Variants in HMGCLL1 observed in about 807,000 individuals in gnomAD.
HMGCLL1 encodes 3-hydroxymethyl-3-methylglutaryl-CoA lyase, cytoplasmic.
In HMGCLL1, 36 loss-of-function variants were observed where a neutral mutation model predicts 39.1. The observed-to-expected ratio is 0.92, with a 90% CI of 0.71 to 1.22. HMGCLL1 has a LOEUF of 1.22. Ranked by LOEUF, HMGCLL1 falls within the 50% of genes most tolerant of loss-of-function variation. HMGCLL1 has a pLI of 0.00. For missense variants in HMGCLL1, 451 were observed against 416.5 expected, an observed-to-expected ratio of 1.08 and a Z score of -0.72; for synonymous variants, 149 against 144.0, an observed-to-expected ratio of 1.03 and a Z score of -0.25.
chr6:55,513,962 A>G, intron 5 of HMGCLL1, 86 bp downstream of exon 5: 1 of 1,139,222 alleles, frequency 8.8e-7, no homozygotes, highest in Non-Finnish European at 1.3e-6. Context: ...TATTTTTATA[A>G]ATGATATAAG....
chr6:55,543,335 C>CATATATG (rs1157505364), intron 1 of HMGCLL1, among the ~76,000 whole-genome samples: 1 of 6,258 alleles, frequency 1.6e-4, no homozygotes, highest in Non-Finnish European at 3.4e-4. Context: ...TATTATATAT[C>CATATATG]ATATATGATA....
intron 1 of HMGCLL1, among the ~76,000 whole-genome samples, chr6:55,572,230 G>T (rs1366262595): frequency 1.3e-5 from 2 of 152,012 alleles, no homozygotes; most frequent in Admixed American, 1.3e-4. Context: ...CAATGCAAAA[G>T]ATAAGATTGA....
intron 1 of HMGCLL1, among the ~76,000 whole-genome samples, chr6:55,571,012 C>T (rs537913988): frequency 1.0e-3 from 155 of 152,292 alleles, no homozygotes; most frequent in East Asian, 4.1e-3. Flanking sequence ...TTCACTACCA[C>T]AAGAACAGTA....
chr6:55,600,664 TA>T, the HMGCLL1 span, among the ~76,000 whole-genome samples: 3 of 152,010 alleles, frequency 2.0e-5, no homozygotes, highest in Non-Finnish European at 4.4e-5. Context: ...TTCTAAAGAA[TA>T]AAAAAATTAA....
chr6:55,664,285 G>A, the HMGCLL1 span, among the ~76,000 whole-genome samples: 1 of 151,720 alleles, frequency 6.6e-6, no homozygotes, highest in Non-Finnish European at 1.5e-5. Flanking sequence ...GTGTATTTAA[G>A]TATGTTTCTG....
intron 3 of HMGCLL1, among the ~76,000 whole-genome samples, chr6:55,524,469 A>AAAAC (rs1554150836): frequency 6.6e-6 from 1 of 150,538 alleles, no homozygotes; most frequent in Non-Finnish European, 1.5e-5. Flanking sequence ...TCTTTAAAAA[A>AAAAC]AAAAAAAAAA....
upstream of HMGCLL1, among the ~76,000 whole-genome samples, chr6:55,580,689 ACAGGGGT>A (rs1389572787): frequency 6.6e-6 from 1 of 152,026 alleles, no homozygotes; most frequent in African/African-American, 2.4e-5. Context: ...TGCTGGGATT[ACAGGGGT>A]CAGCCACCGC....
chr6:55,542,882 T>G (rs1360279948), intron 1 of HMGCLL1, among the ~76,000 whole-genome samples: 2 of 135,402 alleles, frequency 1.5e-5, no homozygotes, highest in Non-Finnish European at 3.1e-5. Flanking sequence ...TATATTTTTA[T>G]ATATTTATAT....
chr6:55,513,950 T>C lies in HMGCLL1; in HGVS notation c.542+98A>G, dbSNP rs79694232. On this transcript the variant is annotated intron_variant, in intron 5 of 8. Coordinates refer to ENST00000274901, the MANE Select transcript of HMGCLL1 (RefSeq NM_001042406.2). ...CAAAATAGAAATATGATATTCTATG[T>C]ATATTTTTATAAATGATATAAGAAT... is the stretch of plus-strand genomic sequence containing the variant. 4,802 of 1,000,380 alleles carry C rather than the reference T, an allele frequency of 4.8e-3. 143 individuals carry two copies. In the African/African-American group the frequency reaches 0.069, roughly 14 times the overall value. 62.0% of individuals were successfully genotyped at this position (1,000,380 alleles called of 1,614,324 possible).
At chr6:55,541,169 A>G (rs973301169) in intron 3 of HMGCLL1, among the ~76,000 whole-genome samples, 7 of 152,172 alleles carry the variant, frequency 4.6e-5, no homozygotes, top group African/African-American at 7.2e-5. Context: ...GACTGCTGCC[A>G]CATGCCTGAA....
intron 7 of HMGCLL1, among the ~76,000 whole-genome samples, chr6:55,450,041 T>A (rs1270564311): frequency 6.6e-6 from 1 of 152,180 alleles, no homozygotes. Flanking sequence ...AGAATAAAAA[T>A]GGCAGAGGTT....
intron 1 of HMGCLL1, among the ~76,000 whole-genome samples, chr6:55,560,327 G>A (rs542184767): frequency 4.6e-5 from 7 of 152,218 alleles, no homozygotes; most frequent in African/African-American, 1.2e-4. Flanking sequence ...AGGAAATGAC[G>A]CCTAGTGGCT....
chr6:55,563,893 T>A, intron 1 of HMGCLL1: 3 of 1,288,246 alleles, frequency 2.3e-6, no homozygotes, highest in Non-Finnish European at 3.0e-6. Flanking sequence ...TGGTGCAGCA[T>A]CAGCATCACA....
At chr6:55,590,119 A>T in the HMGCLL1 span, among the ~76,000 whole-genome samples, 1 of 152,214 alleles carries the variant, frequency 6.6e-6, no homozygotes, top group Admixed American at 6.6e-5. Flanking sequence ...AAAAGAACAA[A>T]GCTGGAGGCA....
chr6:55,602,183 G>A, the HMGCLL1 span, among the ~76,000 whole-genome samples: 2 of 152,038 alleles, frequency 1.3e-5, no homozygotes, highest in Admixed American at 6.6e-5. Context: ...AGAGCATAGT[G>A]GGGAGTAGAG....
intron 5 of HMGCLL1, among the ~76,000 whole-genome samples, chr6:55,509,416 A>G (rs1767326089): frequency 6.6e-6 from 1 of 151,862 alleles, no homozygotes; most frequent in Non-Finnish European, 1.5e-5. Context: ...TATCTCACTC[A>G]ACAAGACTGC....
chr6:55,670,818 T>C, the HMGCLL1 span, among the ~76,000 whole-genome samples: 1 of 151,882 alleles, frequency 6.6e-6, no homozygotes, highest in South Asian at 2.1e-4. Context: ...AATTGCATTG[T>C]ATATAATTGC....
upstream of HMGCLL1, among the ~76,000 whole-genome samples, chr6:55,582,449 T>C (rs1772001040): frequency 6.6e-6 from 1 of 152,182 alleles, no homozygotes; most frequent in Admixed American, 6.5e-5. Context: ...CTTAAAATTC[T>C]TAGAGGTGTC....
intron 7 of HMGCLL1, among the ~76,000 whole-genome samples, chr6:55,472,619 A>G (rs1041842988): frequency 4.0e-5 from 6 of 151,308 alleles, no homozygotes; most frequent in Non-Finnish European, 8.9e-5. Flanking sequence ...TTTTTATTTA[A>G]TAGGGTTTTA....
Sources: allele counts gnomAD v4.1 joint callset (sites outside exome capture counted in the v4.1 genomes callset), GRCh38; gene constraint gnomAD v4.1.1; transcripts MANE v1.5; gene names NCBI Gene and HGNC (gene_info 2026-07-23, HGNC 2026-07-21).